The following CACNA1D variants were observed in gnomAD, a reference collection of about 807,000 sequenced individuals.
CACNA1D encodes calcium voltage-gated channel subunit alpha1 D.
A neutral mutation model predicts 257.1 loss-of-function variants in CACNA1D; 55 were observed. The ratio of observed to expected loss-of-function variants is 0.21; its 90% CI spans 0.17 to 0.27. The LOEUF is 0.27. Among genes scored for constraint, CACNA1D ranks in the 10% least tolerant of loss-of-function variants. The probability of loss-of-function intolerance (pLI) is 1.00; values close to 1 mark genes in which losing one functional copy is unlikely to be tolerated. For synonymous variants in CACNA1D, 980 were observed against 1,014.9 expected (o/e 0.97, Z 0.65); for missense variants, 1,876 against 2,784.0 (o/e 0.67, Z 7.34).
At chr3:53,755,439 T>A (rs1396298644) in intron 29 of CACNA1D, among the ~76,000 whole-genome samples, 1 of 152,184 alleles carries the variant, frequency 6.6e-6, no homozygotes, top group Non-Finnish European at 1.5e-5. Flanking sequence ...GGCTGACAGT[T>A]GCCCAGAAGA....
intron 37 of CACNA1D, among the ~76,000 whole-genome samples, chr3:53,778,464 G>A (rs1329147469): frequency 6.6e-5 from 10 of 152,212 alleles, no homozygotes; most frequent in Admixed American, 6.5e-4. Flanking sequence ...ATTTGGGTGG[G>A]ATGGACTTAT....
intron 8 of CACNA1D, among the ~76,000 whole-genome samples, chr3:53,691,558 AAG>A (rs1429154949): frequency 6.7e-6 from 1 of 150,136 alleles, no homozygotes; most frequent in East Asian, 1.9e-4. Flanking sequence ...TAACCCTTCA[AAG>A]AGAGAGAAGC....
At chr3:53,603,338 G>C (rs940711592) in intron 3 of CACNA1D, among the ~76,000 whole-genome samples, 2 of 152,186 alleles carry the variant, frequency 1.3e-5, no homozygotes, top group African/African-American at 4.8e-5. Context: ...GCTGGGGTTT[G>C]AATCGCACCT....
At chr3:53,746,867 T>C (rs1409306886) in intron 25 of CACNA1D, among the ~76,000 whole-genome samples, 1 of 152,174 alleles carries the variant, frequency 6.6e-6, no homozygotes, top group Admixed American at 6.5e-5. Flanking sequence ...GGAATGTCAT[T>C]AGTAAGAAGA....
rs187042250 is a variant in CACNA1D at position 53,751,833 on chromosome 3, G to A, written c.3601G>A (p.Val1201Met). Residue 1201 changes from valine (V) to methionine (M), a missense_variant, in exon 28 of 48, where the codon GTG (valine) becomes ATG (methionine). Val to Met is a conservative substitution (Grantham distance 21). Around this residue, in one of 10 missense-constraint regions of CACNA1D, gnomAD observed 204 missense variants for 309.4 expected, o/e 0.66. Transcript: ENST00000350061. The surrounding 1 kb of genome is among the most constrained non-coding windows in gnomAD (Gnocchi z 4.3). ...CCCCTACCAGTACAAGTTCTGGTAC[G>A]TGGTGAACTCTTCGCCTTTCGAATA... ...KNPYQYKFWY[V>M]VNSSPFEYMM... The A allele has an allele frequency of 2.5e-5, 41 of 1,614,060 alleles. No homozygotes were observed. The highest frequency in any genetic ancestry group is 2.0e-4 in the African/African-American group (15 of 75,022).
At chr3:53,500,024 A>G (rs1036930357) in intron 2 of CACNA1D, among the ~76,000 whole-genome samples, 4 of 152,104 alleles carry the variant, frequency 2.6e-5, no homozygotes, top group Non-Finnish European at 4.4e-5. Context: ...TTAGTAAGGG[A>G]ATAATGTTAT....
chr3:53,549,902 G>A (rs1205581440), intron 3 of CACNA1D, among the ~76,000 whole-genome samples: 1 of 152,156 alleles, frequency 6.6e-6, no homozygotes, highest in Non-Finnish European at 1.5e-5. Flanking sequence ...ATTAGAGAGT[G>A]TAGGGGAAAG....
At chr3:53,753,984 G>A (rs2095246041) in intron 29 of CACNA1D, among the ~76,000 whole-genome samples, 1 of 152,208 alleles carries the variant, frequency 6.6e-6, no homozygotes, top group Non-Finnish European at 1.5e-5. Flanking sequence ...TACATATCAT[G>A]CTGTGTCAGG....
chr3:53,801,236 A>G lies in CACNA1D; in HGVS notation c.5219A>G (p.His1740Arg), dbSNP rs764285234. 66 of 1,613,912 alleles carry G rather than the reference A, an allele frequency of 4.1e-5. No homozygotes were observed. The South Asian group carries it at 6.8e-4, about 17-fold the overall frequency. The change falls in exon 42 of 48, where the codon CAT becomes CGT. Residue 1740 changes from histidine (H) to arginine (R), a missense_variant. By Grantham distance (29) the His-to-Arg change is conservative. This residue lies in a region of CACNA1D where 160 missense variants were observed against 236.6 expected (regional missense o/e 0.68). Transcript: ENST00000350061. ...GCAGGAAATTCGGTGTGTCATAACC[A>G]TCATAACCATAATTCCATAGGAAAG... is the stretch of plus-strand genomic sequence containing the variant. Reference protein sequence around the residue: ...PPAGNSVCHNHHNHNSIGKQV... With the variant: ...PPAGNSVCHNRHNHNSIGKQV...
At chr3:53,670,368 G>A (rs768672808) in intron 7 of CACNA1D, among the ~76,000 whole-genome samples, 27 of 151,918 alleles carry the variant, frequency 1.8e-4, no homozygotes, top group South Asian at 8.3e-4. Flanking sequence ...TTTTTGAGAC[G>A]GAGTTTTGCT....
At chr3:53,736,351 A>G (rs986957191) in intron 20 of CACNA1D, among the ~76,000 whole-genome samples, 2 of 152,152 alleles carry the variant, frequency 1.3e-5, no homozygotes, top group African/African-American at 4.8e-5. Flanking sequence ...AAAGAAAAAA[A>G]AAAGAATATA....
intron 8 of CACNA1D, among the ~76,000 whole-genome samples, chr3:53,676,997 C>T (rs1025441456): frequency 1.3e-5 from 2 of 152,172 alleles, no homozygotes; most frequent in Non-Finnish European, 2.9e-5. Flanking sequence ...GAAAGAATGT[C>T]TTCTTTAAGT....
rs186531537 is a variant in CACNA1D, at chr3:53,517,543, G to T, written c.483+15823G>T. ...CTGTCACCCAGGCTGGAGTGCAGTGGCAGTATCTTGGCTCACTGCAACCTC... is the reference window on the plus strand; with the variant it reads ...CTGTCACCCAGGCTGGAGTGCAGTGTCAGTATCTTGGCTCACTGCAACCTC... On this transcript the variant is annotated intron_variant, in intron 3 of 47. Coordinates refer to ENST00000350061, the MANE Select transcript of CACNA1D (RefSeq NM_001128840.3). Among the ~76,000 whole-genome samples, 222 of 151,452 alleles carry T rather than the reference G, an allele frequency of 1.5e-3. 2 individuals carry two copies. The highest frequency in any genetic ancestry group is 4.9e-3 in the African/African-American group (204 of 41,250).
intron 30 of CACNA1D, among the ~76,000 whole-genome samples, chr3:53,769,192 G>C (rs1337115795): frequency 6.6e-6 from 1 of 152,206 alleles, no homozygotes; most frequent in Non-Finnish European, 1.5e-5. Flanking sequence ...GGGGGTTGGG[G>C]GGCAGGTAAG....
chr3:53,805,209 C>A, intron 45 of CACNA1D, 63 bp downstream of exon 45: 2 of 1,500,238 alleles, frequency 1.3e-6, no homozygotes, highest in South Asian at 2.2e-5. Flanking sequence ...CTCCCCCAAC[C>A]CCCGCTCTGG....
At chr3:53,633,367 G>A (rs1197144115) in intron 3 of CACNA1D, among the ~76,000 whole-genome samples, 2 of 152,196 alleles carry the variant, frequency 1.3e-5, no homozygotes, top group South Asian at 4.1e-4. Context: ...TGTACTTACG[G>A]TCCCGGCTGC....
intron 3 of CACNA1D, among the ~76,000 whole-genome samples, chr3:53,518,724 A>G (rs1275499161): frequency 6.6e-6 from 1 of 152,196 alleles, no homozygotes; most frequent in African/African-American, 2.4e-5. Flanking sequence ...GAGTATTTGT[A>G]AGAAAATCAA....
In CACNA1D at chr3:53,661,314, T is replaced by C. The variant is rs369308453; in HGVS notation, c.766+1039T>C. Among the ~76,000 whole-genome samples the C allele has an allele frequency of 6.7e-5, 10 of 150,356 alleles. No individual in the cohort carries two copies. The East Asian group carries it at 2.0e-3, about 30-fold the overall frequency. ...TTATTAAATTTGTTGGCACTTAGAA[T>C]GCACCAAAAATCCTCTGGAAAAAAA... On this transcript the variant is annotated intron_variant, in intron 5 of 47. Transcript: ENST00000350061.
intron 9 of CACNA1D, among the ~76,000 whole-genome samples, chr3:53,707,329 A>T (rs551214996): frequency 1.3e-5 from 2 of 152,050 alleles, no homozygotes; most frequent in East Asian, 1.9e-4. Context: ...TTCCCTGGGG[A>T]TTCTAATGTG....
Sources: gnomAD v4.1 joint callset for allele counts (sites outside exome capture counted in the v4.1 genomes callset) on GRCh38, gnomAD v4.1.1 for gene constraint, gnomAD v4.1.1 regional missense constraint, Gnocchi (gnomAD v3.1) non-coding constraint, MANE v1.5 for transcripts, NCBI Gene and HGNC (gene_info 2026-07-23, HGNC 2026-07-21) for gene names.